The following MRPS6 variants were observed in gnomAD, a reference collection of about 807,000 sequenced individuals.
The protein encoded by MRPS6 is mitochondrial ribosomal protein S6, also known as small ribosomal subunit protein bS6m.
Under a neutral mutation model 13.1 loss-of-function variants are expected in MRPS6, and 6 were observed. That is an observed-to-expected ratio of 0.46 (90% CI 0.25 to 0.91). The LOEUF (loss-of-function observed/expected upper bound fraction) is 0.91, where lower values mean the gene tolerates loss of function less well. Among genes scored for constraint, MRPS6 ranks in the 40% least tolerant of loss-of-function variants. MRPS6 has a pLI of 0.18. For missense variants in MRPS6, 164 were observed against 155.6 expected, an observed-to-expected ratio of 1.05 and a Z score of -0.29; for synonymous variants, 61 against 56.5, an observed-to-expected ratio of 1.08 and a Z score of -0.36.
rs565904157 is a variant in MRPS6, at chr21:34,104,260, C to G, written c.46-21081C>G. The G allele has an allele frequency of 5.0e-6, 5 of 1,000,090 alleles. No individual in the cohort carries two copies. In the South Asian group the frequency reaches 1.9e-4, roughly 38 times the overall value. The allele number at this position is 1,000,090 out of a possible 1,614,324, so 62.0% of individuals were successfully genotyped here. A position where few individuals can be genotyped will look rare whatever the true frequency, so the allele number is the denominator to read the frequency against. Reference sequence around the variant, plus strand: ...TTTTCACAATGGGGTGGAGAGGATTCTTTCACTTGTCCCATTAACCCTCTT... The same window carrying G: ...TTTTCACAATGGGGTGGAGAGGATTGTTTCACTTGTCCCATTAACCCTCTT... On this transcript the variant is annotated intron_variant, in intron 1 of 2. Coordinates refer to ENST00000399312, the MANE Select transcript of MRPS6 (RefSeq NM_032476.4).
At position 34,083,242 on chromosome 21, in the gene MRPS6, T is replaced by A. The variant is rs530039339; in HGVS notation, c.45+9497T>A. Among the ~76,000 whole-genome samples, 3 of 152,322 alleles carry A rather than the reference T, an allele frequency of 2.0e-5. No individual in the cohort carries two copies. The South Asian group carries it at 6.2e-4, about 32-fold the overall frequency. On this transcript the variant is annotated intron_variant, in intron 1 of 2. Transcript: ENST00000399312. The stretch of plus-strand genomic sequence containing the variant: ...ATTGTGGTGATCAGAAGTGCAGTGT[T>A]GTGGTTGCATTTCAGCTGCTGGGAA...
At chr21:34,087,145 T>G (rs1298290271) in intron 1 of MRPS6, among the ~76,000 whole-genome samples, 1 of 152,192 alleles carries the variant, frequency 6.6e-6, no homozygotes, top group Non-Finnish European at 1.5e-5. Context: ...CATGGGCCAC[T>G]GAGATTTTTA....
chr21:34,120,672 A>T (rs547681398), intron 1 of MRPS6, among the ~76,000 whole-genome samples: 6 of 152,152 alleles, frequency 3.9e-5, no homozygotes, highest in Non-Finnish European at 8.8e-5. Context: ...AAATAATTAT[A>T]ATGTAATTTT....
intron 1 of MRPS6, among the ~76,000 whole-genome samples, chr21:34,074,033 GGGCCCC>G (rs1326484610): frequency 1.4e-5 from 2 of 146,070 alleles, no homozygotes; most frequent in Non-Finnish European, 1.5e-5. Context: ...CGGACCGAGC[GGGCCCC>G]GACCCCGATC....
At chr21:34,086,368 G>C (rs1479984191) in intron 1 of MRPS6, among the ~76,000 whole-genome samples, 5 of 152,176 alleles carry the variant, frequency 3.3e-5, no homozygotes, top group Non-Finnish European at 5.9e-5. Context: ...TCCCCCAGCA[G>C]CCTTTCTCCT....
Position 34,103,555 on chromosome 21 carries a change from C to CT in MRPS6, c.46-21785dup, listed in dbSNP as rs1448702317. ...ACAGTTTATATTCCATGATAGAAAG[C>CT]TAAAGTCCATAGAAAGCACAAAATC... On this transcript the variant is annotated intron_variant, in intron 1 of 2. Transcript: ENST00000399312. 3 of 999,924 alleles carry CT rather than the reference C, an allele frequency of 3.0e-6. No individual in the cohort carries two copies. In the African/African-American group the frequency reaches 5.2e-5, roughly 17 times the overall value. 61.9% of individuals were successfully genotyped at this position (999,924 alleles called of 1,614,324 possible). A position where few individuals can be genotyped will look rare whatever the true frequency, so the allele number is the denominator to read the frequency against.
intron 1 of MRPS6, among the ~76,000 whole-genome samples, chr21:34,076,499 C>G (rs556571152): frequency 6.6e-6 from 1 of 152,244 alleles, no homozygotes; most frequent in Non-Finnish European, 1.5e-5. Context: ...CTATGTTTTT[C>G]TCAGTTTGCA....
chr21:34,083,807 A>G (rs1423196333), intron 1 of MRPS6, among the ~76,000 whole-genome samples: 1 of 152,208 alleles, frequency 6.6e-6, no homozygotes, highest in Non-Finnish European at 1.5e-5. Flanking sequence ...TTGTGTGTGT[A>G]AGAAGATTGA....
chr21:34,119,560 G>C (rs1980048871), intron 1 of MRPS6, among the ~76,000 whole-genome samples: 1 of 152,116 alleles, frequency 6.6e-6, no homozygotes, highest in Admixed American at 6.6e-5. Flanking sequence ...CTTGAGTGTT[G>C]TATAACTCTT....
chr21:34,125,227 C>T, intron 1 of MRPS6, 114 bp from the exon 2 acceptor site: 9 of 1,443,516 alleles, frequency 6.2e-6, no homozygotes, highest in East Asian at 2.4e-5. Flanking sequence ...TTTTACCCAG[C>T]GATTCCTACC....
chr21:34,128,552 T>C (rs1980389309), intron 2 of MRPS6, among the ~76,000 whole-genome samples: 1 of 152,188 alleles, frequency 6.6e-6, no homozygotes, highest in South Asian at 2.1e-4. Flanking sequence ...ATGCCAAAAA[T>C]AAAAATATAG....
At chr21:34,132,522 A>G (rs2123266153) in intron 2 of MRPS6, among the ~76,000 whole-genome samples, 1 of 152,352 alleles carries the variant, frequency 6.6e-6, no homozygotes. Flanking sequence ...TTTGGTAGCA[A>G]CAGGGAGCCT....
intron 1 of MRPS6, among the ~76,000 whole-genome samples, chr21:34,074,140 G>C (rs1030630862): frequency 4.0e-5 from 6 of 149,060 alleles, no homozygotes; most frequent in Admixed American, 6.7e-5. Flanking sequence ...CGCCAGTCGT[G>C]AAGCTGCCTC....
chr21:34,102,847 CA>C, intron 1 of MRPS6: 1 of 1,000,068 alleles, frequency 1.0e-6, no homozygotes, highest in Non-Finnish European at 1.2e-6. Flanking sequence ...TGTTTACATT[CA>C]GAGCTCTATC....
chr21:34,101,649 T>C (rs1178989703), intron 1 of MRPS6: 5 of 1,000,104 alleles, frequency 5.0e-6, no homozygotes, highest in Non-Finnish European at 6.0e-6. Context: ...TTTTGTCAGC[T>C]TAGTTCACTT....
intron 2 of MRPS6, among the ~76,000 whole-genome samples, chr21:34,130,597 T>G (rs1486920738): frequency 6.6e-6 from 1 of 152,210 alleles, no homozygotes; most frequent in Non-Finnish European, 1.5e-5. Context: ...TAGAGAGTTT[T>G]GTAGCATGTG....
intron 1 of MRPS6, among the ~76,000 whole-genome samples, chr21:34,092,743 T>A (rs561012834): frequency 4.4e-4 from 67 of 152,320 alleles, no homozygotes; most frequent in African/African-American, 1.6e-3. Context: ...GCAGCTACTA[T>A]GACACATAAC....
intron 2 of MRPS6, among the ~76,000 whole-genome samples, chr21:34,127,786 G>A (rs1569424318): frequency 6.6e-6 from 1 of 152,210 alleles, no homozygotes; most frequent in Non-Finnish European, 1.5e-5. Context: ...TTAATCCATA[G>A]CCACAGAAAG....
At chr21:34,140,693 A>G (rs1465261371) in intron 2 of MRPS6, among the ~76,000 whole-genome samples, 1 of 152,146 alleles carries the variant, frequency 6.6e-6, no homozygotes, top group East Asian at 1.9e-4. Context: ...GGATGTGTCC[A>G]TTTCTCTGTT....
Sources: gnomAD v4.1 joint callset for allele counts (sites outside exome capture counted in the v4.1 genomes callset) on GRCh38, gnomAD v4.1.1 for gene constraint, MANE v1.5 for transcripts, NCBI Gene and HGNC (gene_info 2026-07-23, HGNC 2026-07-21) for gene names.